The following UBR3 variants were observed in gnomAD, a reference collection of about 807,000 sequenced individuals.
UBR3 encodes the protein E3 ubiquitin-protein ligase UBR3.
A neutral mutation model predicts 243.2 loss-of-function variants in UBR3; 85 were observed. That is an observed-to-expected ratio of 0.35 (90% CI 0.29 to 0.42). The LOEUF (loss-of-function observed/expected upper bound fraction) is 0.42, where lower values mean the gene tolerates loss of function less well. UBR3 is among the 10% of genes least tolerant of loss of function. UBR3 has a pLI of 1.00. For missense variants in UBR3, 1,686 were observed against 2,300.8 expected (o/e 0.73, Z 5.47); for synonymous variants, 748 against 799.8 (o/e 0.94, Z 1.09).
chr2:169,965,573 A>G (rs1053422491), intron 24 of UBR3, among the ~76,000 whole-genome samples: 1 of 152,162 alleles, frequency 6.6e-6, no homozygotes, highest in African/African-American at 2.4e-5. Flanking sequence ...CTGCTCTTAT[A>G]CTTTGGGGCC....
In UBR3 at chr2:169,981,414, A is replaced by G. The variant is rs188682122; in HGVS notation, c.3635-5231A>G. ...TCTGTGATCTTCCTCTCTAAAATCGATAACCTTAGACTAATCATGAGAAAA... is the reference window on the plus strand; with the variant it reads ...TCTGTGATCTTCCTCTCTAAAATCGGTAACCTTAGACTAATCATGAGAAAA... On this transcript the variant is annotated intron_variant, in intron 24 of 38. Coordinates refer to ENST00000272793, the MANE Select transcript of UBR3 (RefSeq NM_172070.4). Among the ~76,000 whole-genome samples, 14 of 152,230 alleles carry G rather than the reference A, an allele frequency of 9.2e-5. No homozygotes were observed. The East Asian group carries it at 1.5e-3, about 17-fold the overall frequency.
intron 32 of UBR3, among the ~76,000 whole-genome samples, chr2:170,045,973 T>TA (rs2091076141): frequency 3.3e-5 from 5 of 150,390 alleles, no homozygotes; most frequent in Non-Finnish European, 7.4e-5. Flanking sequence ...AATTTTTTTT[T>TA]TTTTTTTTTT....
chr2:170,037,035 A>G (rs564693879), intron 31 of UBR3, among the ~76,000 whole-genome samples: 27 of 152,174 alleles, frequency 1.8e-4, no homozygotes, highest in Non-Finnish European at 3.5e-4. Flanking sequence ...TTTTAAAACT[A>G]TATAACGTAC....
intron 10 of UBR3, among the ~76,000 whole-genome samples, chr2:169,907,546 G>A (rs1286217967): frequency 1.3e-5 from 2 of 151,834 alleles, no homozygotes; most frequent in Non-Finnish European, 2.9e-5. Context: ...GATTATTAAG[G>A]TAATTTCTTA....
At chr2:169,840,480 C>A (rs1292810009) in intron 1 of UBR3, among the ~76,000 whole-genome samples, 1 of 152,210 alleles carries the variant, frequency 6.6e-6, no homozygotes, top group Admixed American at 6.5e-5. Context: ...TACCTCTCAC[C>A]GGTTGGAATC....
intron 24 of UBR3, among the ~76,000 whole-genome samples, chr2:169,958,761 GCTC>G (rs936437911): frequency 6.6e-6 from 1 of 152,092 alleles, no homozygotes; most frequent in African/African-American, 2.4e-5. Context: ...AATATAGTAT[GCTC>G]CTTTTGTTCT....
intron 1 of UBR3, among the ~76,000 whole-genome samples, chr2:169,841,426 T>C (rs372082883): frequency 2.7e-4 from 41 of 152,336 alleles, no homozygotes; most frequent in Admixed American, 9.1e-4. Context: ...ACTCCCACTT[T>C]GGTGGCATTT....
At chr2:170,062,841 T>G (rs13416409) in intron 35 of UBR3, among the ~76,000 whole-genome samples, 116 of 152,318 alleles carry the variant, frequency 7.6e-4, no homozygotes, top group African/African-American at 2.7e-3. Flanking sequence ...GGTGTTTGAG[T>G]GTACAGTGAT....
At chr2:170,078,318 G>A in intron 36 of UBR3, 1 of 271,466 alleles carries the variant, frequency 3.7e-6, no homozygotes, top group South Asian at 4.2e-5. Context: ...CCCCTGGGGT[G>A]CGAAAATGCT....
intron 1 of UBR3, among the ~76,000 whole-genome samples, chr2:169,851,159 C>A (rs1234229794): frequency 2.0e-5 from 3 of 152,150 alleles, no homozygotes; most frequent in African/African-American, 7.2e-5. Context: ...GGGTCTCGTT[C>A]TGTTGCACAG....
At chr2:169,855,497 G>A (rs1396642316) in intron 1 of UBR3, among the ~76,000 whole-genome samples, 2 of 151,974 alleles carry the variant, frequency 1.3e-5, no homozygotes, top group Admixed American at 6.6e-5. Flanking sequence ...GGGCCCTGCC[G>A]CCTTCCGCAG....
chr2:169,828,128 G>A, intron 1 of UBR3, 76 bp downstream of exon 1: 2 of 1,323,854 alleles, frequency 1.5e-6, no homozygotes, highest in Non-Finnish European at 1.9e-6. Context: ...CGGAGCACTG[G>A]GAGCCCACTC....
At chr2:169,993,804 T>A (rs1022769542) in intron 25 of UBR3, among the ~76,000 whole-genome samples, 1 of 152,192 alleles carries the variant, frequency 6.6e-6, no homozygotes, top group Admixed American at 6.5e-5. Context: ...ATTACTATTA[T>A]TATTCTTTTT....
chr2:169,892,703 A>G (rs1331390203), intron 6 of UBR3, among the ~76,000 whole-genome samples: 1 of 152,206 alleles, frequency 6.6e-6, no homozygotes, highest in African/African-American at 2.4e-5. Context: ...AGTTTGGGGA[A>G]TGGCTCAATT....
chr2:169,993,490 C>T (rs763232698), intron 25 of UBR3, among the ~76,000 whole-genome samples: 2 of 152,162 alleles, frequency 1.3e-5, no homozygotes, highest in Non-Finnish European at 2.9e-5. Flanking sequence ...TTTAAAGTTT[C>T]AGAGTCCAAG....
Position 169,827,959 on chromosome 2 carries a change from A to G in UBR3, c.452A>G (p.Gln151Arg), listed in dbSNP as rs1208783238. The G allele has an allele frequency of 1.0e-5, 15 of 1,474,814 alleles. No individual in the cohort carries two copies. Among genetic ancestry groups the G allele is most frequent in the African/African-American group, 1.4e-5 (1 of 69,224 alleles). The allele number at this position is 1,474,814 out of a possible 1,614,324, so 91.4% of individuals were successfully genotyped here. Residue 151 changes from glutamine to arginine, a missense_variant, in exon 1 of 39, where the codon CAG becomes CGG. By Grantham distance (43) the Gln-to-Arg change is conservative (BLOSUM62 1). Around this residue, in one of 8 missense-constraint regions of UBR3, gnomAD observed 145 missense variants for 243.8 expected, o/e 0.59. Coordinates refer to ENST00000272793, the MANE Select transcript of UBR3 (RefSeq NM_172070.4). ...CMSLCAECFH[Q>R]GDHTGHDFNM... ...TCGCTGTGCGCCGAGTGCTTCCACCAGGGCGACCACACCGGACACGACTTC... is the reference window on the plus strand; with the variant it reads ...TCGCTGTGCGCCGAGTGCTTCCACCGGGGCGACCACACCGGACACGACTTC...
chr2:169,846,790 T>C (rs1448258432), intron 1 of UBR3, among the ~76,000 whole-genome samples: 1 of 152,186 alleles, frequency 6.6e-6, no homozygotes, highest in Non-Finnish European at 1.5e-5. Context: ...TGGAGCGCAG[T>C]GGCACAATCA....
intron 31 of UBR3, 28 bp downstream of exon 31, chr2:170,029,476 A>G (rs765885684): frequency 1.0e-5 from 16 of 1,529,770 alleles, no homozygotes; most frequent in East Asian, 2.3e-5. Flanking sequence ...ACTAAAATCA[A>G]TTAAAACTCT....
chr2:169,882,567 C>T (rs2083933044), intron 5 of UBR3, among the ~76,000 whole-genome samples: 2 of 150,504 alleles, frequency 1.3e-5, no homozygotes, highest in African/African-American at 4.9e-5. Context: ...ATTGTGAAAC[C>T]CCATCTCTAC....
Sources: allele counts gnomAD v4.1 joint callset (sites outside exome capture counted in the v4.1 genomes callset), GRCh38; gene constraint gnomAD v4.1.1; regional missense constraint gnomAD v4.1.1; transcripts MANE v1.5; gene names NCBI Gene and HGNC (gene_info 2026-07-23, HGNC 2026-07-21).